Variants in TSPEAR observed in about 807,000 individuals in gnomAD.
TSPEAR encodes thrombospondin type laminin G domain and EAR repeats.
Under a neutral mutation model 71.6 loss-of-function variants are expected in TSPEAR, and 69 were observed. The ratio of observed to expected loss-of-function variants is 0.96; its 90% CI spans 0.79 to 1.18. TSPEAR has a LOEUF of 1.18. TSPEAR is among the 50% of genes most tolerant of loss of function. The pLI, the probability that TSPEAR is intolerant of heterozygous loss-of-function variation, is 0.00. For missense variants in TSPEAR, 971 were observed against 894.9 expected (o/e 1.09, Z -1.09); for synonymous variants, 402 against 387.2 (o/e 1.04, Z -0.45).
chr21:44,670,895 C>A (rs782446794), intron 1 of TSPEAR, among the ~76,000 whole-genome samples: 7 of 152,186 alleles, frequency 4.6e-5, no homozygotes, highest in Non-Finnish European at 8.8e-5. Context: ...GAGTGCAATA[C>A]CAGCTGGATG....
At chr21:44,542,776 A>G (rs1304458704) in intron 2 of TSPEAR, among the ~76,000 whole-genome samples, 1 of 151,438 alleles carries the variant, frequency 6.6e-6, no homozygotes, top group Non-Finnish European at 1.5e-5. Context: ...AAAAGAAAAA[A>G]GAAAAAGAAA....
At chr21:44,525,314 C>CA (rs2052832406) in intron 8 of TSPEAR, among the ~76,000 whole-genome samples, 1 of 152,078 alleles carries the variant, frequency 6.6e-6, no homozygotes, top group African/African-American at 2.4e-5. Flanking sequence ...AGTCAGTCAT[C>CA]AGGTAATTAG....
chr21:44,579,412 G>C lies in TSPEAR; in HGVS notation c.83-11407C>G, dbSNP rs1218501305. 5 of 402,836 alleles carry C rather than the reference G, an allele frequency of 1.2e-5. No homozygotes were observed. In the East Asian group the frequency reaches 2.3e-4, roughly 18 times the overall value. 25.0% of individuals were successfully genotyped at this position (402,836 alleles called of 1,614,324 possible). On this transcript the variant is annotated intron_variant, in intron 1 of 11. Transcript: ENST00000323084. ...CAGTCATGGCTAGAGACCAATCTGAGCTCAAAACCATGTATCCCCAGGAGC... is the reference window on the plus strand; with the variant it reads ...CAGTCATGGCTAGAGACCAATCTGACCTCAAAACCATGTATCCCCAGGAGC...
rs782300607 is a variant in TSPEAR, at chr21:44,551,106, GAA to G, written c.303+16677_303+16678del. 97 of 1,546,506 alleles carry G rather than the reference GAA, an allele frequency of 6.3e-5. No individual in the cohort carries two copies. The African/African-American group carries it at 1.3e-3, about 20-fold the overall frequency. On this transcript the variant is annotated intron_variant, in intron 2 of 11. Transcript: ENST00000323084. The stretch of plus-strand genomic sequence containing the variant: ...GCAGCTAGACTGCTGGCAGCATGAA[GAA>G]GCCCCACAGCAGACGGGCACACAGC...
At chr21:44,679,537 GA>G (rs1296956574) in intron 1 of TSPEAR, among the ~76,000 whole-genome samples, 2 of 152,058 alleles carry the variant, frequency 1.3e-5, no homozygotes, top group Non-Finnish European at 2.9e-5. Flanking sequence ...CACAGAAGTA[GA>G]AAAAACAGTC....
chr21:44,697,746 C>G (rs782664182), intron 1 of TSPEAR: 2 of 1,614,148 alleles, frequency 1.2e-6, no homozygotes, highest in Admixed American at 3.3e-5. Flanking sequence ...TGCCAGCCAG[C>G]TTGCTGCACC....
At chr21:44,569,374 C>T (rs797042604) in intron 1 of TSPEAR, among the ~76,000 whole-genome samples, 2 of 152,202 alleles carry the variant, frequency 1.3e-5, no homozygotes, top group African/African-American at 2.4e-5. Context: ...CCGGATGTGA[C>T]GCAGACGTGC....
Position 44,629,400 on chromosome 21 carries a change from C to T in TSPEAR, c.83-61395G>A, listed in dbSNP as rs587664184. Among the ~76,000 whole-genome samples the T allele has an allele frequency of 2.0e-5, 3 of 152,312 alleles. No homozygotes were observed. The South Asian group carries it at 6.2e-4, about 32-fold the overall frequency. On this transcript the variant is annotated intron_variant, in intron 1 of 11. Coordinates refer to ENST00000323084, the MANE Select transcript of TSPEAR (RefSeq NM_144991.3). The stretch of plus-strand genomic sequence containing the variant: ...AGACTCTCTCTTGGGCTTGCAGACA[C>T]AGTCTTCTCCCTGTGTCCTTACGGG...
intron 9 of TSPEAR, among the ~76,000 whole-genome samples, chr21:44,515,242 A>C (rs189721209): frequency 1.2e-4 from 19 of 152,336 alleles, no homozygotes; most frequent in African/African-American, 4.3e-4. Context: ...GGGCTTTGTG[A>C]GTTTTGAGGA....
intron 10 of TSPEAR, 182 bp downstream of exon 10, chr21:44,509,017 G>T: frequency 6.8e-7 from 1 of 1,471,922 alleles, no homozygotes; most frequent in Non-Finnish European, 9.2e-7. Context: ...GACTTCCCCA[G>T]GCCAGGAAAG....
intron 1 of TSPEAR, chr21:44,646,776 G>A: frequency 1.2e-6 from 2 of 1,613,602 alleles, no homozygotes; most frequent in African/African-American, 1.3e-5. Context: ...TCTGCTGCAA[G>A]ACTGTCTGCT....
rs554600837 is a variant in TSPEAR, at chr21:44,696,199, C to T, written c.82+15234G>A. Among the ~76,000 whole-genome samples, 9 of 152,232 alleles carry T rather than the reference C, an allele frequency of 5.9e-5. No individual in the cohort carries two copies. The East Asian group carries it at 1.2e-3, about 20-fold the overall frequency. ...CTCCTTTTTTATAGCTAGACCCAAC[C>T]GTCTGGGCACCCATCAGATATTTTC... On this transcript the variant is annotated intron_variant, in intron 1 of 11. Transcript: ENST00000323084.
chr21:44,637,889 G>A (rs4818950), intron 1 of TSPEAR: 1,057,607 of 1,612,606 alleles, frequency 0.66, 348,998 homozygotes, highest in Admixed American at 0.71. Flanking sequence ...CGTCTGCTAT[G>A]TGCCTGTGTG....
chr21:44,636,911 C>A (rs1983607074), intron 1 of TSPEAR, among the ~76,000 whole-genome samples: 2 of 150,744 alleles, frequency 1.3e-5, no homozygotes, highest in South Asian at 4.1e-4. Context: ...CTCAGAAGAT[C>A]CCAGAGCCCG....
chr21:44,672,336 T>C (rs767603650), intron 1 of TSPEAR, among the ~76,000 whole-genome samples: 76 of 152,220 alleles, frequency 5.0e-4, no homozygotes, highest in Non-Finnish European at 9.0e-4. Context: ...TTTGGGAGGC[T>C]AAGGCGGGCG....
chr21:44,539,427 G>A (rs782163395), intron 2 of TSPEAR: 28 of 1,602,828 alleles, frequency 1.7e-5, no homozygotes, highest in African/African-American at 9.4e-5. Flanking sequence ...CAGCAGGCGG[G>A]CCGGCATACA....
At chr21:44,591,484 C>T in intron 1 of TSPEAR, 5 of 1,614,050 alleles carry the variant, frequency 3.1e-6, no homozygotes, top group Admixed American at 3.3e-5. Context: ...CGTGCGGCAG[C>T]AGCTGGGCTG....
At chr21:44,521,813 G>A in intron 9 of TSPEAR, 70 bp downstream of exon 9, 1 of 1,452,750 alleles carries the variant, frequency 6.9e-7, no homozygotes, top group Non-Finnish European at 9.6e-7. Context: ...CACATCACCT[G>A]TCCAGCAGGT....
chr21:44,530,997 C>T, intron 4 of TSPEAR, 46 bp downstream of exon 4: 1 of 1,500,572 alleles, frequency 6.7e-7, no homozygotes, highest in Non-Finnish European at 9.3e-7. Flanking sequence ...TGGGGCAGTC[C>T]CATCCCGCAG....
Sources: gnomAD v4.1 joint callset for allele counts (sites outside exome capture counted in the v4.1 genomes callset) on GRCh38, gnomAD v4.1.1 for gene constraint, MANE v1.5 for transcripts, NCBI Gene and HGNC (gene_info 2026-07-23, HGNC 2026-07-21) for gene names.